ZBTB2: variants seen among roughly 807,000 people sequenced by gnomAD.
ZBTB2 encodes the protein zinc finger and BTB domain containing 2, also known as zinc finger and BTB domain-containing protein 2.
A neutral mutation model predicts 39.5 loss-of-function variants in ZBTB2; 2 were observed. The observed-to-expected ratio is 0.05, with a 90% CI of 0.02 to 0.16. The LOEUF (loss-of-function observed/expected upper bound fraction) is 0.16. Ranked by LOEUF, ZBTB2 falls within the 10% of genes least tolerant of loss-of-function variation. The probability of loss-of-function intolerance (pLI) is 1.00; values close to 1 mark genes in which losing one functional copy is unlikely to be tolerated. For missense variants in ZBTB2, 391 were observed against 653.0 expected, an observed-to-expected ratio of 0.60 and a Z score of 4.37; for synonymous variants, 251 against 256.6, an observed-to-expected ratio of 0.98 and a Z score of 0.21.
intron 2 of ZBTB2, among the ~76,000 whole-genome samples, chr6:151,368,439 G>A (rs945161881): frequency 3.3e-5 from 5 of 151,734 alleles, no homozygotes; most frequent in African/African-American, 4.8e-5. Context: ...GTGAGCCACC[G>A]CGCCTGGCAA....
In ZBTB2 at chr6:151,377,732, CAT is replaced by C. The variant is rs1166892098; in HGVS notation, c.-12-4085_-12-4084del. Among the ~76,000 whole-genome samples the C allele has an allele frequency of 4.0e-4, 60 of 151,574 alleles. 1 individual carries two copies. The highest frequency in any genetic ancestry group is 1.8e-4 in the Non-Finnish European group (12 of 67,838). ...TTTTTTAGTAGAGATGGGGTTTCAC[CAT>C]GTTGTTAGCCAGGACAGTCTTGATC... On this transcript the variant is annotated intron_variant, in intron 1 of 2. Coordinates refer to ENST00000325144, the MANE Select transcript of ZBTB2 (RefSeq NM_020861.3).
chr6:151,388,265 C>G (rs990142511), intron 1 of ZBTB2, among the ~76,000 whole-genome samples: 1 of 152,124 alleles, frequency 6.6e-6, no homozygotes, highest in South Asian at 2.1e-4. Context: ...GCTGGTGCCA[C>G]GGGACTTGCC....
intron 1 of ZBTB2, among the ~76,000 whole-genome samples, chr6:151,390,724 G>A (rs1779276748): frequency 6.6e-6 from 1 of 151,808 alleles, no homozygotes; most frequent in African/African-American, 2.4e-5. Flanking sequence ...GCGCCAGAGA[G>A]GCCGGGCCTG....
chr6:151,390,551 G>A (rs1471901622), intron 1 of ZBTB2, among the ~76,000 whole-genome samples: 9 of 150,554 alleles, frequency 6.0e-5, no homozygotes, highest in South Asian at 4.2e-4. Flanking sequence ...GGCGGGGGTG[G>A]CCCAGACAGG....
chr6:151,377,535 A>ATTTTTTT (rs769474299), intron 1 of ZBTB2, among the ~76,000 whole-genome samples: 2 of 103,446 alleles, frequency 1.9e-5, no homozygotes, highest in African/African-American at 4.3e-5. Flanking sequence ...TGTCTGGCTA[A>ATTTTTTT]TTTTTTTTTT....
intron 1 of ZBTB2, among the ~76,000 whole-genome samples, chr6:151,380,299 A>G (rs780069456): frequency 6.6e-6 from 1 of 152,238 alleles, no homozygotes; most frequent in Non-Finnish European, 1.5e-5. Context: ...AGACTGTTCC[A>G]TATGTGAACT....
At chr6:151,389,300 C>T (rs530201247) in intron 1 of ZBTB2, among the ~76,000 whole-genome samples, 1 of 152,274 alleles carries the variant, frequency 6.6e-6, no homozygotes, top group African/African-American at 2.4e-5. Context: ...GACCTTTTAA[C>T]AGTTTGAAAA....
chr6:151,366,310 C>A lies in ZBTB2; in HGVS notation c.756G>T (p.Lys252Asn). 2 of 1,614,088 alleles carry A rather than the reference C, an allele frequency of 1.2e-6. No individual in the cohort carries two copies. Among genetic ancestry groups the A allele is most frequent in the South Asian group, 2.2e-5 (2 of 91,072 alleles). The change falls in exon 3 of 3, where the codon AAG becomes AAT. Residue 252 changes from lysine to asparagine, a missense_variant. Physicochemically the swap from Lys to Asn is moderately conservative, Grantham distance 94 (BLOSUM62 0). Around this residue, in one of 7 missense-constraint regions of ZBTB2, gnomAD observed 80 missense variants for 125.2 expected, o/e 0.64. Transcript: ENST00000325144. This position sits in a 1 kb window ranked among gnomAD's most constrained non-coding sequence, Gnocchi z 7.1. The part of the protein sequence containing the change: ...SIMKRNGSFP[K>N]YYACHLCGRR... Reference sequence around the variant, plus strand: ...GTCCACACAGGTGGCAGGCATAGTACTTTGGAAAGCTCCCATTCCTCTTCA... The same window carrying A: ...GTCCACACAGGTGGCAGGCATAGTAATTTGGAAAGCTCCCATTCCTCTTCA...
intron 1 of ZBTB2, among the ~76,000 whole-genome samples, chr6:151,387,331 T>A (rs1010836924): frequency 6.6e-6 from 1 of 152,216 alleles, no homozygotes; most frequent in Non-Finnish European, 1.5e-5. Flanking sequence ...GCTCACTGAA[T>A]TAAGCAGATC....
In ZBTB2 at chr6:151,366,666, C is replaced by T; in HGVS notation, c.400G>A (p.Gly134Ser). Reference protein sequence around the residue: ...QVFPLASSLYGIQIADHQLRQ... With the variant: ...QVFPLASSLYSIQIADHQLRQ... ...AACTGATGATCTGCAATCTGAATGC[C>T]ATACAATGAAGAAGCCAGTGGGAAA... Residue 134 changes from glycine to serine, a missense_variant, in exon 3 of 3, where the codon GGC (glycine) becomes AGC (serine). Gly to Ser is a moderately conservative substitution (Grantham distance 56). This residue lies in a region of ZBTB2 where 175 missense variants were observed against 198.6 expected (regional missense o/e 0.88). Coordinates refer to ENST00000325144, the MANE Select transcript of ZBTB2 (RefSeq NM_020861.3). The surrounding 1 kb of genome is among the most constrained non-coding windows in gnomAD (Gnocchi z 7.1). 6.2e-7 allele frequency: 1 copy of T among 1,614,084 alleles called. No homozygotes were observed. The highest frequency in any genetic ancestry group is 8.5e-7 in the Non-Finnish European group (1 of 1,180,016).
chr6:151,379,162 C>T (rs796453216), intron 1 of ZBTB2, among the ~76,000 whole-genome samples: 3 of 152,242 alleles, frequency 2.0e-5, no homozygotes, highest in African/African-American at 7.2e-5. Context: ...CCACCTCTAC[C>T]GTAACTCTTT....
intron 2 of ZBTB2, among the ~76,000 whole-genome samples, chr6:151,372,968 C>T (rs1778816836): frequency 6.6e-6 from 1 of 151,846 alleles, no homozygotes; most frequent in Non-Finnish European, 1.5e-5. Context: ...TCCTGGCTAA[C>T]ACAGTGAAAC....
At chr6:151,383,547 G>A (rs530050599) in intron 1 of ZBTB2, among the ~76,000 whole-genome samples, 1 of 152,260 alleles carries the variant, frequency 6.6e-6, no homozygotes, top group Admixed American at 6.5e-5. Context: ...TCGTCTCCCA[G>A]AAGGTCCTGA....
chr6:151,372,078 G>A (rs1343998435), intron 2 of ZBTB2, among the ~76,000 whole-genome samples: 1 of 152,174 alleles, frequency 6.6e-6, no homozygotes, highest in Non-Finnish European at 1.5e-5. Flanking sequence ...GTTTCCAGCA[G>A]AGGCGAGATC....
chr6:151,389,770 G>T (rs1036728327), intron 1 of ZBTB2, among the ~76,000 whole-genome samples: 4 of 152,130 alleles, frequency 2.6e-5, no homozygotes, highest in Non-Finnish European at 5.9e-5. Flanking sequence ...GTATTCGGGT[G>T]GAAGTTCCTG....
chr6:151,390,117 G>T (rs1779250572), intron 1 of ZBTB2, among the ~76,000 whole-genome samples: 1 of 152,074 alleles, frequency 6.6e-6, no homozygotes, highest in Non-Finnish European at 1.5e-5. Flanking sequence ...AGGCGCAGAT[G>T]GCGCGTCGGG....
At chr6:151,373,780 T>A in intron 1 of ZBTB2, 131 bp from the exon 2 acceptor site, 1 of 604,066 alleles carries the variant, frequency 1.7e-6, no homozygotes, top group Middle Eastern at 5.0e-4. Context: ...CTAAAAACGT[T>A]ACACAGATTA....
chr6:151,372,409 T>G (rs995841378), intron 2 of ZBTB2, among the ~76,000 whole-genome samples: 2 of 152,032 alleles, frequency 1.3e-5, no homozygotes, highest in Admixed American at 1.3e-4. Flanking sequence ...TTTAAGGGCT[T>G]TCATAGTAAA....
rs1400646598 is a variant in ZBTB2, at chr6:151,365,645, T to C, written c.1421A>G (p.Asp474Gly). ...VKHSCQNQNS[D>G]VFALDEGRSI... Reference sequence around the variant, plus strand: ...TCGCCCTTCGTCTAGGGCAAAAACATCCGAGTTCTGGTTTTGGCATGAATG... The same window carrying C: ...TCGCCCTTCGTCTAGGGCAAAAACACCCGAGTTCTGGTTTTGGCATGAATG... Residue 474 changes from aspartate (D) to glycine (G), a missense_variant, in exon 3 of 3, where the codon GAT becomes GGT. Transcript: ENST00000325144. This position sits in a 1 kb window ranked among gnomAD's most constrained non-coding sequence, Gnocchi z 5.6. The C allele has an allele frequency of 1.9e-6, 3 of 1,614,186 alleles. No individual in the cohort carries two copies. The highest frequency in any genetic ancestry group is 1.3e-5 in the African/African-American group (1 of 75,032).
Sources: allele counts gnomAD v4.1 joint callset (sites outside exome capture counted in the v4.1 genomes callset), GRCh38; gene constraint gnomAD v4.1.1; regional missense constraint gnomAD v4.1.1; non-coding constraint Gnocchi (gnomAD v3.1); transcripts MANE v1.5; gene names NCBI Gene and HGNC (gene_info 2026-07-23, HGNC 2026-07-21).